The following DLGAP2 variants were observed in gnomAD, a reference collection of about 807,000 sequenced individuals.
DLGAP2 encodes the protein disks large-associated protein 2.
A neutral mutation model predicts 100.3 loss-of-function variants in DLGAP2; 26 were observed. The ratio of observed to expected loss-of-function variants is 0.26; its 90% CI spans 0.19 to 0.36. The LOEUF is 0.36. Among genes scored for constraint, DLGAP2 ranks in the 10% least tolerant of loss-of-function variants. The pLI is 1.00. For synonymous variants in DLGAP2, 886 were observed against 630.1 expected (o/e 1.41, Z -6.08); for missense variants, 1,858 against 1,453.2 (o/e 1.28, Z -4.53).
At chr8:935,515 G>T (rs2129004188) in intron 2 of DLGAP2, among the ~76,000 whole-genome samples, 1 of 152,298 alleles carries the variant, frequency 6.6e-6, no homozygotes, top group South Asian at 2.1e-4. Flanking sequence ...AATCTCACCT[G>T]TTTCTTATGG....
At chr8:1,568,500 C>T (rs1318524967) in intron 6 of DLGAP2, among the ~76,000 whole-genome samples, 29 of 148,142 alleles carry the variant, frequency 2.0e-4, no homozygotes, top group African/African-American at 7.3e-4. Context: ...TGCCCGTGGC[C>T]CCCATGCCAC....
intron 3 of DLGAP2, among the ~76,000 whole-genome samples, chr8:1,346,839 C>A (rs1221375568): frequency 6.6e-6 from 1 of 151,060 alleles, no homozygotes; most frequent in Non-Finnish European, 1.5e-5. Context: ...AGCTGCATTG[C>A]ACTCATGGTA....
intron 3 of DLGAP2, among the ~76,000 whole-genome samples, chr8:1,489,892 A>G (rs1003186516): frequency 6.6e-6 from 1 of 151,952 alleles, no homozygotes; most frequent in African/African-American, 2.4e-5. Flanking sequence ...AGATTAAGGC[A>G]TATCAATTTT....
chr8:1,662,194 C>T (rs1798423891), intron 8 of DLGAP2, among the ~76,000 whole-genome samples: 1 of 152,230 alleles, frequency 6.6e-6, no homozygotes. Flanking sequence ...AGGCCTCTTT[C>T]CCAAAATAAT....
At chr8:928,505 G>C (rs150540694) in intron 2 of DLGAP2, among the ~76,000 whole-genome samples, 10 of 152,288 alleles carry the variant, frequency 6.6e-5, no homozygotes, top group African/African-American at 2.2e-4. Flanking sequence ...GATTCTTGTG[G>C]TGACAACACG....
intron 8 of DLGAP2, among the ~76,000 whole-genome samples, chr8:1,667,747 G>A (rs1292067437): frequency 1.3e-5 from 2 of 152,198 alleles, no homozygotes; most frequent in African/African-American, 4.8e-5. Flanking sequence ...CATCCGGCGT[G>A]CTTCTGAACC....
At chr8:1,122,965 G>T (rs953235820) in intron 2 of DLGAP2, among the ~76,000 whole-genome samples, 1 of 152,154 alleles carries the variant, frequency 6.6e-6, no homozygotes, top group African/African-American at 2.4e-5. Flanking sequence ...GCTTAGGTCC[G>T]CCAGATAGAG....
At chr8:1,118,354 A>G (rs1002638063) in intron 2 of DLGAP2, among the ~76,000 whole-genome samples, 1 of 152,166 alleles carries the variant, frequency 6.6e-6, no homozygotes, top group Non-Finnish European at 1.5e-5. Context: ...ACTGCATTAC[A>G]TTGTCTTTGT....
intron 3 of DLGAP2, among the ~76,000 whole-genome samples, chr8:1,458,094 G>C (rs923889364): frequency 2.0e-5 from 3 of 148,276 alleles, no homozygotes; most frequent in African/African-American, 7.4e-5. Flanking sequence ...TTTTAGTAGA[G>C]ACGGGGTTTC....
chr8:1,392,612 G>T (rs1393663066), intron 3 of DLGAP2, among the ~76,000 whole-genome samples: 9 of 152,210 alleles, frequency 5.9e-5, no homozygotes, highest in African/African-American at 1.9e-4. Flanking sequence ...CATTTTAACT[G>T]TGACCCTACA....
intron 3 of DLGAP2, among the ~76,000 whole-genome samples, chr8:1,296,547 G>A (rs913146614): frequency 1.3e-4 from 20 of 152,172 alleles, no homozygotes; most frequent in South Asian, 6.2e-4. Flanking sequence ...CAGAGTGTGC[G>A]TTTTATTAAA....
intron 1 of DLGAP2, among the ~76,000 whole-genome samples, chr8:882,366 C>CCTCTCCTGCGG (rs1797823153): frequency 4.7e-5 from 4 of 85,556 alleles, no homozygotes; most frequent in African/African-American, 1.6e-4. Flanking sequence ...CTCCCCTGCG[C>CCTCTCCTGCGG]GCACCCTCGC....
At chr8:1,146,260 G>A (rs969393850) in intron 2 of DLGAP2, among the ~76,000 whole-genome samples, 1 of 152,204 alleles carries the variant, frequency 6.6e-6, no homozygotes, top group African/African-American at 2.4e-5. Context: ...TTCTTTATCT[G>A]CCATCTGATA....
At chr8:1,078,004 A>G (rs1240474266) in intron 2 of DLGAP2, among the ~76,000 whole-genome samples, 2 of 152,170 alleles carry the variant, frequency 1.3e-5, no homozygotes, top group Admixed American at 6.5e-5. Flanking sequence ...TGCCAGCTCT[A>G]CAATATAAAT....
chr8:1,554,800 C>T (rs1384638582), intron 5 of DLGAP2, among the ~76,000 whole-genome samples: 2 of 151,502 alleles, frequency 1.3e-5, no homozygotes, highest in South Asian at 2.1e-4. Flanking sequence ...ACCACCCTCA[C>T]GGTATCCCCA....
intron 4 of DLGAP2, among the ~76,000 whole-genome samples, chr8:1,535,348 A>G (rs1181514304): frequency 6.6e-6 from 1 of 152,224 alleles, no homozygotes; most frequent in African/African-American, 2.4e-5. Context: ...ACGCCCTGAG[A>G]AAGAGGATGT....
At chr8:1,287,883 ATGTGTG>A (rs1312547681) in intron 3 of DLGAP2, among the ~76,000 whole-genome samples, 7 of 51,844 alleles carry the variant, frequency 1.4e-4, no homozygotes, top group South Asian at 6.8e-4. Context: ...TTGGTTCAGC[ATGTGTG>A]TGTGTGTGTG....
chr8:1,440,227 G>C (rs150455939), intron 3 of DLGAP2, among the ~76,000 whole-genome samples: 216 of 152,300 alleles, frequency 1.4e-3, no homozygotes, highest in African/African-American at 4.8e-3. Flanking sequence ...CTAAATTGTG[G>C]TATAAATCGG....
Position 1,430,019 on chromosome 8 carries a change from TATATATATACAC to T in DLGAP2, c.107-71345_107-71334del, listed in dbSNP as rs766742524. Among the ~76,000 whole-genome samples the T allele has an allele frequency of 6.6e-4, 62 of 93,544 alleles. 6 individuals carry two copies. Among genetic ancestry groups the T allele is most frequent in the East Asian group, 3.2e-3 (10 of 3,126 alleles). 61.4% of individuals were successfully genotyped at this position (93,544 alleles called of 152,430 possible). ...ATGCATATATATACATATATATATA[TATATATATACAC>T]ACACACACATATGAACTTAGAATTC... On this transcript the variant is annotated intron_variant, in intron 3 of 14. Transcript: ENST00000637795.
Sources: allele counts gnomAD v4.1 joint callset (sites outside exome capture counted in the v4.1 genomes callset), GRCh38; gene constraint gnomAD v4.1.1; transcripts MANE v1.5; gene names NCBI Gene and HGNC (gene_info 2026-07-23, HGNC 2026-07-21).